The following PPP4R2 variants were observed in gnomAD, a reference collection of about 807,000 sequenced individuals.
PPP4R2 encodes the protein serine/threonine-protein phosphatase 4 regulatory subunit 2.
Under a neutral mutation model 47.2 loss-of-function variants are expected in PPP4R2, and 13 were observed. That is an observed-to-expected ratio of 0.28 (90% CI 0.18 to 0.44). The LOEUF is 0.44. PPP4R2 is among the 20% of genes least tolerant of loss of function. PPP4R2 has a pLI of 1.00. For missense variants in PPP4R2, 421 were observed against 491.2 expected, an observed-to-expected ratio of 0.86 and a Z score of 1.35; for synonymous variants, 151 against 163.3, an observed-to-expected ratio of 0.92 and a Z score of 0.57.
intron 2 of PPP4R2, among the ~76,000 whole-genome samples, chr3:73,022,972 A>G (rs1029427021): frequency 3.9e-5 from 6 of 152,092 alleles, no homozygotes; most frequent in African/African-American, 7.2e-5. Flanking sequence ...CAGGTAAGAA[A>G]ATGTTTTAAG....
chr3:73,015,901 G>A (rs924566839), intron 2 of PPP4R2: 5 of 333,964 alleles, frequency 1.5e-5, no homozygotes, highest in Non-Finnish European at 3.1e-5. Context: ...GCCTCCCAAA[G>A]TGCTGGGATT....
In PPP4R2 at chr3:72,996,959, CGGGGGGGT is replaced by C. The variant is rs1701356381; in HGVS notation, c.-72_-65del. Reference sequence around the variant, plus strand: ...TGTGTGCGAGGGAGGGGGAGGGCGTCGGGGGGGTGGGGGGAGGCGTTCCGGTCCCCAAG... The same window carrying C: ...TGTGTGCGAGGGAGGGGGAGGGCGTCGGGGGGAGGCGTTCCGGTCCCCAAG... On this transcript the variant is annotated 5_prime_UTR_variant, in exon 1 of 9. Transcript: ENST00000356692. 2.7e-6 allele frequency: 3 copies of C among 1,112,738 alleles called. No homozygotes were observed. Among genetic ancestry groups the C allele is most frequent in the Non-Finnish European group, 3.5e-6 (3 of 857,628 alleles). The allele number at this position is 1,112,738 out of a possible 1,614,324, so 68.9% of individuals were successfully genotyped here.
Position 73,002,297 on chromosome 3 carries a change from C to G in PPP4R2, c.116+4139C>G, listed in dbSNP as rs557402975. 2.0e-5 allele frequency among the ~76,000 whole-genome samples: 3 copies of G among 152,292 alleles called. No individual in the cohort carries two copies. In the East Asian group the frequency reaches 5.8e-4, roughly 29 times the overall value. On this transcript the variant is annotated intron_variant, in intron 2 of 8. Transcript: ENST00000356692. The stretch of plus-strand genomic sequence containing the variant: ...AGGCAAGGTCTTGCTGTTGCCCAGG[C>G]TTTAGTGCAGCAACTCAGTCATAGC...
At chr3:73,027,283 T>C (rs1702085751) in intron 2 of PPP4R2, among the ~76,000 whole-genome samples, 1 of 152,146 alleles carries the variant, frequency 6.6e-6, no homozygotes, top group Admixed American at 6.5e-5. Context: ...TGCGCCACCA[T>C]TGCCTGGCTA....
At chr3:73,047,554 C>T (rs1394164121) in intron 3 of PPP4R2, among the ~76,000 whole-genome samples, 198 bp downstream of exon 3, 2 of 152,138 alleles carry the variant, frequency 1.3e-5, no homozygotes, top group African/African-American at 4.8e-5. Context: ...CTTGAACCAC[C>T]TTTTTATAGG....
At chr3:73,002,634 CT>C (rs1173734970) in intron 2 of PPP4R2, among the ~76,000 whole-genome samples, 139 of 41,172 alleles carry the variant, frequency 3.4e-3, no homozygotes, top group African/African-American at 0.011. Context: ...CTTTTCTTTT[CT>C]TTTTTTTTTT....
At chr3:73,005,090 C>A (rs1453331695) in intron 2 of PPP4R2, among the ~76,000 whole-genome samples, 1 of 151,714 alleles carries the variant, frequency 6.6e-6, no homozygotes, top group East Asian at 1.9e-4. Flanking sequence ...TTACAGGTGC[C>A]CACCACTATG....
chr3:73,020,499 C>T (rs1701936572), intron 2 of PPP4R2, among the ~76,000 whole-genome samples: 1 of 151,812 alleles, frequency 6.6e-6, no homozygotes, highest in Non-Finnish European at 1.5e-5. Flanking sequence ...GAAACCCTGT[C>T]ACTACAAAGA....
rs1443443655 is a variant in PPP4R2, at chr3:73,066,382, A to T, written c.*660A>T. 6.6e-6 allele frequency: 1 copy of T among 151,662 alleles called. No homozygotes were observed. Among genetic ancestry groups the T allele is most frequent in the Non-Finnish European group, 1.5e-5 (1 of 67,856 alleles). 9.4% of individuals were successfully genotyped at this position (151,662 alleles called of 1,614,324 possible). A position where few individuals can be genotyped will look rare whatever the true frequency, so the allele number is the denominator to read the frequency against. ...CAGAAGACATTTTCTTTCTCTTCTG[A>T]GTAATTGAAATAAAATCTGGCCCTT... is the stretch of plus-strand genomic sequence containing the variant. On this transcript the variant is annotated 3_prime_UTR_variant, in exon 9 of 9. Coordinates refer to ENST00000356692, the MANE Select transcript of PPP4R2 (RefSeq NM_174907.4).
At chr3:73,005,337 CTTTT>C (rs34629247) in intron 2 of PPP4R2, among the ~76,000 whole-genome samples, 3 of 128,164 alleles carry the variant, frequency 2.3e-5, no homozygotes, top group Admixed American at 7.8e-5. Flanking sequence ...ATGGTGTGGT[CTTTT>C]TTTTTTTTTT....
chr3:73,033,212 T>C (rs1385401562), intron 2 of PPP4R2, among the ~76,000 whole-genome samples: 1 of 152,244 alleles, frequency 6.6e-6, no homozygotes. Context: ...TACCTACTTA[T>C]TTGATAGTCT....
intron 2 of PPP4R2, among the ~76,000 whole-genome samples, chr3:73,039,649 G>C (rs1286920335): frequency 6.6e-6 from 1 of 152,298 alleles, no homozygotes; most frequent in East Asian, 1.9e-4. Context: ...GTCACAACTG[G>C]AGTGGGTGGT....
At chr3:73,062,846 A>AT (rs1559570326) in intron 5 of PPP4R2, 1 of 1,613,830 alleles carries the variant, frequency 6.2e-7, no homozygotes, top group Admixed American at 1.7e-5. Context: ...TAATGTTCAC[A>AT]CTTCTATTTG....
At chr3:73,014,892 T>C (rs1701791399) in intron 2 of PPP4R2, 1 of 609,194 alleles carries the variant, frequency 1.6e-6, no homozygotes, top group Non-Finnish European at 3.0e-6. Flanking sequence ...TTTAATGAGA[T>C]GGGGTCTTGC....
chr3:73,036,175 A>C (rs752968731), intron 2 of PPP4R2, among the ~76,000 whole-genome samples: 14 of 152,186 alleles, frequency 9.2e-5, no homozygotes, highest in Non-Finnish European at 2.1e-4. Context: ...GTTCTCATGC[A>C]TTATGTTGGA....
intron 3 of PPP4R2, among the ~76,000 whole-genome samples, chr3:73,053,502 A>G (rs980258644): frequency 2.0e-5 from 3 of 152,236 alleles, no homozygotes; most frequent in South Asian, 2.1e-4. Flanking sequence ...AGGAACTCCA[A>G]GAGATGATTA....
chr3:73,058,974 A>G (rs1237618376), intron 3 of PPP4R2, 63 bp from the exon 4 acceptor site: 2 of 1,021,068 alleles, frequency 2.0e-6, no homozygotes, highest in African/African-American at 3.3e-5. Flanking sequence ...AGCAAAAGAA[A>G]TAATGTTCCT....
At chr3:73,004,628 G>A (rs1215542237) in intron 2 of PPP4R2, among the ~76,000 whole-genome samples, 1 of 152,008 alleles carries the variant, frequency 6.6e-6, no homozygotes, top group African/African-American at 2.4e-5. Flanking sequence ...TGTAGAGATG[G>A]GGTTTCACCA....
At chr3:73,058,281 T>C (rs1176190065) in intron 3 of PPP4R2, among the ~76,000 whole-genome samples, 1 of 152,114 alleles carries the variant, frequency 6.6e-6, no homozygotes, top group Non-Finnish European at 1.5e-5. Flanking sequence ...CAGAACCACA[T>C]TTAAAATATT....
Sources: allele counts gnomAD v4.1 joint callset (sites outside exome capture counted in the v4.1 genomes callset), GRCh38; gene constraint gnomAD v4.1.1; transcripts MANE v1.5; gene names NCBI Gene and HGNC (gene_info 2026-07-23, HGNC 2026-07-21).